The following FZD5 variants were observed in gnomAD, a reference collection of about 807,000 sequenced individuals.
FZD5 encodes the protein frizzled class receptor 5.
FZD5 carries 12 observed loss-of-function variants against 40.8 expected under a neutral mutation model. The ratio of observed to expected loss-of-function variants is 0.29; its 90% CI spans 0.19 to 0.48. The LOEUF is 0.48. FZD5 is among the 20% of genes least tolerant of loss of function. The pLI, the probability that FZD5 is intolerant of heterozygous loss-of-function variation, is 0.99. For missense variants in FZD5, 622 were observed against 832.8 expected (o/e 0.75, Z 3.12); for synonymous variants, 380 against 383.7 (o/e 0.99, Z 0.11).
Position 207,768,201 on chromosome 2 carries a change from C to T in FZD5, c.539G>A (p.Gly180Asp), listed in dbSNP as rs774329392. ...GAACGGGCCCCCAGCGGGGCATTCG[C>T]CCCCCGAGGCCGGCGCCCCTGGCGG... ...PGPPGAPASGGECPAGGPFVC... is the reference protein window; with the variant it reads ...PGPPGAPASGDECPAGGPFVC... Residue 180 changes from glycine (G) to aspartate (D), a missense_variant, in exon 2 of 2, where the codon GGC (glycine) becomes GAC (aspartate). Transcript: ENST00000295417. 6.3e-6 allele frequency: 10 copies of T among 1,586,176 alleles called. No homozygotes were observed. The highest frequency in any genetic ancestry group is 1.3e-5 in the African/African-American group (1 of 74,470).
At position 207,768,836 on chromosome 2, in the gene FZD5, G is replaced by A; in HGVS notation, c.-97C>T. 9.8e-7 allele frequency: 1 copy of A among 1,019,792 alleles called. No individual in the cohort carries two copies. Among genetic ancestry groups the A allele is most frequent in the Non-Finnish European group, 1.4e-6 (1 of 710,550 alleles). 63.2% of individuals were successfully genotyped at this position (1,019,792 alleles called of 1,614,324 possible). The stretch of plus-strand genomic sequence containing the variant: ...TTCTCCCTCCGGCGTCTCGTGTGTG[G>A]CGCCGGGGCTGGCAACCTGTTGGTT... On this transcript the variant is annotated 5_prime_UTR_variant, in exon 2 of 2. Transcript: ENST00000295417.
chr2:207,762,844 A>G lies in FZD5; in HGVS notation c.*4138T>C, dbSNP rs1159518836. 1 of 152,652 alleles carries G rather than the reference A, an allele frequency of 6.6e-6. No homozygotes were observed. The highest frequency in any genetic ancestry group is 1.9e-4 in the East Asian group (1 of 5,202). The allele number at this position is 152,652 out of a possible 1,614,324, so 9.5% of individuals were successfully genotyped here. On this transcript the variant is annotated 3_prime_UTR_variant, in exon 2 of 2. Transcript: ENST00000295417. Reference sequence around the variant, plus strand: ...ACAACTGCTGTTTCTACTGACTCCCAGGAACGAAGCAGAAACAAAAACTCA... The same window carrying G: ...ACAACTGCTGTTTCTACTGACTCCCGGGAACGAAGCAGAAACAAAAACTCA...
At position 207,766,978 on chromosome 2, in the gene FZD5, C is replaced by A. The variant is rs2091982101; in HGVS notation, c.*4G>T. 6.9e-7 allele frequency: 1 copy of A among 1,453,576 alleles called. No homozygotes were observed. The allele number at this position is 1,453,576 out of a possible 1,614,324, so 90.0% of individuals were successfully genotyped here. ...CTCCGGCCGAGTCCCTCGGCGGCAG[C>A]CTCCTACACGTGCGACAGGGACACC... is the stretch of plus-strand genomic sequence containing the variant. On this transcript the variant is annotated 3_prime_UTR_variant, in exon 2 of 2. Coordinates refer to ENST00000295417, the MANE Select transcript of FZD5 (RefSeq NM_003468.4).
rs2105849696 is a variant in FZD5, at chr2:207,764,396, C to T, written c.*2586G>A. The T allele has an allele frequency of 6.6e-6, 1 of 152,340 alleles. No homozygotes were observed. The highest frequency in any genetic ancestry group is 1.9e-4 in the East Asian group (1 of 5,182). 9.4% of individuals were successfully genotyped at this position (152,340 alleles called of 1,614,324 possible). ...GGGTGGCTGTAAGTAGATCCAGTTT[C>T]TCTCCCCTGGGGTGGCTGATCTCAG... is the stretch of plus-strand genomic sequence containing the variant. On this transcript the variant is annotated 3_prime_UTR_variant, in exon 2 of 2. Transcript: ENST00000295417.
Position 207,765,210 on chromosome 2 carries a change from C to A in FZD5, c.*1772G>T, listed in dbSNP as rs1412012760. Reference sequence around the variant, plus strand: ...CTAGGCTTAAATTTTACTTTTCCAACTTTGGTATAAGTGAATTACAAATGC... The same window carrying A: ...CTAGGCTTAAATTTTACTTTTCCAAATTTGGTATAAGTGAATTACAAATGC... On this transcript the variant is annotated 3_prime_UTR_variant, in exon 2 of 2. Transcript: ENST00000295417. 4 of 152,176 alleles carry A rather than the reference C, an allele frequency of 2.6e-5. No homozygotes were observed. The highest frequency in any genetic ancestry group is 2.1e-4 in the South Asian group (1 of 4,830). 9.4% of individuals were successfully genotyped at this position (152,176 alleles called of 1,614,324 possible).
chr2:207,768,829 G>C lies in FZD5; in HGVS notation c.-90C>G. 3 of 1,076,448 alleles carry C rather than the reference G, an allele frequency of 2.8e-6. No homozygotes were observed. The highest frequency in any genetic ancestry group is 3.9e-6 in the Non-Finnish European group (3 of 762,020). 66.7% of individuals were successfully genotyped at this position (1,076,448 alleles called of 1,614,324 possible). ...CCGGGGCTTCTCCCTCCGGCGTCTC[G>C]TGTGTGGCGCCGGGGCTGGCAACCT... On this transcript the variant is annotated 5_prime_UTR_variant, in exon 2 of 2. Coordinates refer to ENST00000295417, the MANE Select transcript of FZD5 (RefSeq NM_003468.4).
At position 207,767,794 on chromosome 2, in the gene FZD5, T is replaced by C. The variant is rs752195585; in HGVS notation, c.946A>G (p.Thr316Ala). The C allele has an allele frequency of 1.2e-6, 2 of 1,613,016 alleles. No homozygotes were observed. The highest frequency in any genetic ancestry group is 2.2e-5 in the South Asian group (2 of 90,842). Reference protein sequence around the residue: ...HYETTGPALCTIVFLLVYFFG... With the variant: ...HYETTGPALCAIVFLLVYFFG... ...AAGTAGACCAGGAGGAAGACGATGG[T>C]GCACAGTGCAGGGCCCGTGGTCTCG... The change falls in exon 2 of 2, where the codon ACC becomes GCC. Residue 316 changes from threonine to alanine, a missense_variant. By Grantham distance (58) the Thr-to-Ala change is moderately conservative. Around this residue, in one of 4 missense-constraint regions of FZD5, gnomAD observed 208 missense variants for 348.9 expected, o/e 0.60. Coordinates refer to ENST00000295417, the MANE Select transcript of FZD5 (RefSeq NM_003468.4).
rs2091996871 is a variant in FZD5 at position 207,768,927 on chromosome 2, A to G, written c.-188T>C. The G allele has an allele frequency of 5.0e-6, 3 of 600,336 alleles. No homozygotes were observed. The highest frequency in any genetic ancestry group is 9.0e-6 in the Non-Finnish European group (3 of 333,120). The allele number at this position is 600,336 out of a possible 1,614,324, so 37.2% of individuals were successfully genotyped here. ...TCGGGAAGGCGCTGCCTCCGCTGGC[A>G]GCGCTCCGCTCCTCGCCGGATAGGG... On this transcript the variant is annotated 5_prime_UTR_variant, in exon 2 of 2. Transcript: ENST00000295417.
In FZD5 at chr2:207,767,486, G is replaced by A. The variant is rs200121703; in HGVS notation, c.1254C>T (p.Phe418=). Residue 418 remains phenylalanine (F), a synonymous_variant, in exon 2 of 2, where the codon TTC becomes TTT. Transcript: ENST00000295417. The part of the protein sequence containing the change: ...LVLYLLVGTL[F]LLAGFVSLFR... ...AGAGCGACACGAAGCCCGCCAGCAG[G>A]AAGAGCGTGCCCACCAGCAGGTAGA... 280 of 1,610,426 alleles carry A rather than the reference G, an allele frequency of 1.7e-4. 2 individuals are homozygous for A. In the East Asian group the frequency reaches 4.9e-3, roughly 28 times the overall value.
In FZD5 at chr2:207,765,700, T is replaced by C. The variant is rs1240375594; in HGVS notation, c.*1282A>G. The C allele has an allele frequency of 6.6e-6, 1 of 152,634 alleles. No homozygotes were observed. The highest frequency in any genetic ancestry group is 2.4e-5 in the African/African-American group (1 of 41,444). 9.5% of individuals were successfully genotyped at this position (152,634 alleles called of 1,614,324 possible). On this transcript the variant is annotated 3_prime_UTR_variant, in exon 2 of 2. Transcript: ENST00000295417. ...GGCAGAGAGCAACGTCTTGCTGCTC[T>C]TGGAATATCTGGCTATAAACTAGTC... is the stretch of plus-strand genomic sequence containing the variant.
rs2091970217 is a variant in FZD5 at position 207,764,565 on chromosome 2, T to A, written c.*2417A>T. On this transcript the variant is annotated 3_prime_UTR_variant, in exon 2 of 2. Coordinates refer to ENST00000295417, the MANE Select transcript of FZD5 (RefSeq NM_003468.4). ...TAGACCCCAAAGATCCTGACTAATA[T>A]TGCCCCCCACTTGGGCTTAGCGTCC... 1 of 152,246 alleles carries A rather than the reference T, an allele frequency of 6.6e-6. No individual in the cohort carries two copies. The highest frequency in any genetic ancestry group is 2.4e-5 in the African/African-American group (1 of 41,468). The allele number at this position is 152,246 out of a possible 1,614,324, so 9.4% of individuals were successfully genotyped here.
At position 207,766,957 on chromosome 2, in the gene FZD5, G is replaced by T; in HGVS notation, c.*25C>A. 7.0e-7 allele frequency: 1 copy of T among 1,435,200 alleles called. No individual in the cohort carries two copies. Among genetic ancestry groups the T allele is most frequent in the Non-Finnish European group, 9.1e-7 (1 of 1,094,852 alleles). 88.9% of individuals were successfully genotyped at this position (1,435,200 alleles called of 1,614,324 possible). On this transcript the variant is annotated 3_prime_UTR_variant, in exon 2 of 2. Transcript: ENST00000295417. ...AACGCCCCCCTCCCCTCAGCTCTCC[G>T]GCCGAGTCCCTCGGCGGCAGCCTCC...
Position 207,768,733 on chromosome 2 carries a change from G to A in FZD5, c.7C>T (p.Arg3Trp), listed in dbSNP as rs369884817. The A allele has an allele frequency of 9.6e-6, 15 of 1,565,884 alleles. No homozygotes were observed. Among genetic ancestry groups the A allele is most frequent in the Non-Finnish European group, 1.3e-5 (15 of 1,156,576 alleles). ...GAGGGCGGCGCGGATGGGTCAGGCC[G>A]AGCCATCGCCCCCTCCCTCCCCTCG... MA[R>W]PDPSAPPSLL... Residue 3 changes from arginine (R) to tryptophan (W), a missense_variant, in exon 2 of 2, where the codon CGG becomes TGG. Arg to Trp is a moderately radical substitution (Grantham distance 101, BLOSUM62 -3). Around this residue, in one of 4 missense-constraint regions of FZD5, gnomAD observed 144 missense variants for 214.2 expected, o/e 0.67. Transcript: ENST00000295417.
Position 207,768,827 on chromosome 2 carries a change from T to A in FZD5, c.-88A>T. 1 of 1,105,586 alleles carries A rather than the reference T, an allele frequency of 9.0e-7. No individual in the cohort carries two copies. The highest frequency in any genetic ancestry group is 1.3e-6 in the Non-Finnish European group (1 of 788,764). The allele number at this position is 1,105,586 out of a possible 1,614,324, so 68.5% of individuals were successfully genotyped here. ...GGCCGGGGCTTCTCCCTCCGGCGTCTCGTGTGTGGCGCCGGGGCTGGCAAC... is the reference window on the plus strand; with the variant it reads ...GGCCGGGGCTTCTCCCTCCGGCGTCACGTGTGTGGCGCCGGGGCTGGCAAC... On this transcript the variant is annotated 5_prime_UTR_variant, in exon 2 of 2. Transcript: ENST00000295417.
In FZD5 at chr2:207,767,376, A is replaced by G. The variant is rs1284259143; in HGVS notation, c.1364T>C (p.Leu455Pro). Residue 455 changes from leucine (L) to proline (P), a missense_variant, in exon 2 of 2, where the codon CTG becomes CCG. Coordinates refer to ENST00000295417, the MANE Select transcript of FZD5 (RefSeq NM_003468.4). Reference sequence around the variant, plus strand: ...AATGCTGGCGGGGACCGTGTAGAGCAGCGTGAAGATGCCGATGCGGATCAT... The same window carrying G: ...AATGCTGGCGGGGACCGTGTAGAGCGGCGTGAAGATGCCGATGCGGATCAT... ...KLMIRIGIFTLLYTVPASIVV... is the reference protein window; with the variant it reads ...KLMIRIGIFTPLYTVPASIVV... 6.2e-7 allele frequency: 1 copy of G among 1,612,416 alleles called. No homozygotes were observed. The highest frequency in any genetic ancestry group is 8.5e-7 in the Non-Finnish European group (1 of 1,179,862).
At position 207,768,114 on chromosome 2, in the gene FZD5, T is replaced by C; in HGVS notation, c.626A>G (p.Lys209Arg). The change falls in exon 2 of 2, where the codon AAG becomes AGG. Residue 209 changes from lysine (K) to arginine (R), a missense_variant. Physicochemically the swap from Lys to Arg is conservative, Grantham distance 26 (BLOSUM62 2). Around this residue, in one of 4 missense-constraint regions of FZD5, gnomAD observed 116 missense variants for 117.7 expected, o/e 0.99. Coordinates refer to ENST00000295417, the MANE Select transcript of FZD5 (RefSeq NM_003468.4). ...ILKESHPLYN[K>R]VRTGQVPNCA... ...GTTGGGCACCTGGCCCGTCCGCACC[T>C]TGTTGTAGAGCGGGTGTGACTCCTT... is the stretch of plus-strand genomic sequence containing the variant. The C allele has an allele frequency of 1.2e-6, 2 of 1,613,270 alleles. No individual in the cohort carries two copies. The highest frequency in any genetic ancestry group is 1.7e-6 in the Non-Finnish European group (2 of 1,179,856).
rs1178377925 is a variant in FZD5, at chr2:207,768,081, A to G, written c.659T>C (p.Val220Ala). The change falls in exon 2 of 2, where the codon GTA becomes GCA. Residue 220 changes from valine to alanine, a missense_variant. Physicochemically the swap from Val to Ala is moderately conservative, Grantham distance 64. Coordinates refer to ENST00000295417, the MANE Select transcript of FZD5 (RefSeq NM_003468.4). The part of the protein sequence containing the change: ...VRTGQVPNCA[V>A]PCYQPSFSAD... Reference sequence around the variant, plus strand: ...ACTGAAGGACGGCTGGTAGCAGGGTACCGCGCAGTTGGGCACCTGGCCCGT... The same window carrying G: ...ACTGAAGGACGGCTGGTAGCAGGGTGCCGCGCAGTTGGGCACCTGGCCCGT... 5.0e-6 allele frequency: 8 copies of G among 1,613,426 alleles called. No individual in the cohort carries two copies. The highest frequency in any genetic ancestry group is 6.8e-6 in the Non-Finnish European group (8 of 1,179,750).
rs555846140 is a variant in FZD5 at position 207,766,778 on chromosome 2, A to C, written c.*204T>G. On this transcript the variant is annotated 3_prime_UTR_variant, in exon 2 of 2. Coordinates refer to ENST00000295417, the MANE Select transcript of FZD5 (RefSeq NM_003468.4). ...CCATAAAGAAGGCAGTAAGAAACGC[A>C]AAATAGAATACACGTGAGCTGGGCC... The C allele has an allele frequency of 1.2e-5, 5 of 423,278 alleles. No individual in the cohort carries two copies. The South Asian group carries it at 4.5e-4, about 38-fold the overall frequency. 26.2% of individuals were successfully genotyped at this position (423,278 alleles called of 1,614,324 possible).
rs752775579 is a variant in FZD5, at chr2:207,768,214, G to T, written c.526C>A (p.Pro176Thr). 9 of 1,574,062 alleles carry T rather than the reference G, an allele frequency of 5.7e-6. No individual in the cohort carries two copies. The highest frequency in any genetic ancestry group is 1.7e-4 in the Middle Eastern group (1 of 6,044). ...GCGGGGCATTCGCCCCCCGAGGCCG[G>T]CGCCCCTGGCGGGCCTGGAAGGGTG... ...KPTLPGPPGA[P>T]ASGGECPAGG... The change falls in exon 2 of 2, where the codon CCG becomes ACG. Residue 176 changes from proline (P) to threonine (T), a missense_variant. Pro to Thr is a conservative substitution (Grantham distance 38). Coordinates refer to ENST00000295417, the MANE Select transcript of FZD5 (RefSeq NM_003468.4).
Sources: gnomAD v4.1 joint callset for allele counts on GRCh38, gnomAD v4.1.1 for gene constraint, gnomAD v4.1.1 regional missense constraint, MANE v1.5 for transcripts, NCBI Gene and HGNC (gene_info 2026-07-23, HGNC 2026-07-21) for gene names.